The following PCDHGA7 variants were observed in gnomAD, a reference collection of about 807,000 sequenced individuals.
The protein encoded by PCDHGA7 is protocadherin gamma subfamily A, 7.
Under a neutral mutation model 58.3 loss-of-function variants are expected in PCDHGA7, and 44 were observed. The ratio of observed to expected loss-of-function variants is 0.75; its 90% CI spans 0.59 to 0.97. The LOEUF (loss-of-function observed/expected upper bound fraction) is 0.97, where lower values mean the gene tolerates loss of function less well. PCDHGA7 is among the 50% of genes least tolerant of loss of function. The probability of loss-of-function intolerance (pLI) is 0.00; values close to 1 mark genes in which losing one functional copy is unlikely to be tolerated. For missense variants in PCDHGA7, 1,266 were observed against 1,188.7 expected (o/e 1.06, Z -0.96); for synonymous variants, 516 against 504.2 (o/e 1.02, Z -0.31).
intron 1 of PCDHGA7, chr5:141,433,132 T>A (rs1168186406): frequency 6.2e-7 from 1 of 1,614,122 alleles, no homozygotes; most frequent in Non-Finnish European, 8.5e-7. Context: ...GCGAGCCCCT[T>A]TTGCTGTCAG....
At chr5:141,420,403 G>T in intron 1 of PCDHGA7, 3 of 1,246,014 alleles carry the variant, frequency 2.4e-6, no homozygotes, top group East Asian at 2.8e-5. Context: ...TCAAATTTAT[G>T]GTTATCATTA....
At chr5:141,411,134 G>A (rs1050594380) in intron 1 of PCDHGA7, 1 of 152,434 alleles carries the variant, frequency 6.6e-6, no homozygotes, top group Non-Finnish European at 1.5e-5. Context: ...ACAGGCGTGA[G>A]CCACAATATT....
rs1467261705 is a variant in PCDHGA7, at chr5:141,417,640, C to G, written c.2424+32317C>G. 6.6e-6 allele frequency: 5 copies of G among 761,360 alleles called. No homozygotes were observed. The African/African-American group carries it at 8.8e-5, about 13-fold the overall frequency. 47.2% of individuals were successfully genotyped at this position (761,360 alleles called of 1,614,324 possible). A position where few individuals can be genotyped will look rare whatever the true frequency, so the allele number is the denominator to read the frequency against. On this transcript the variant is annotated intron_variant, in intron 1 of 3. Coordinates refer to ENST00000518325, the MANE Select transcript of PCDHGA7 (RefSeq NM_018920.4). ...AGAGCAAGCGCTGACGCCGGGGATC[C>G]CTCAGCCTCTAGCCTGGGATTCCCT...
At chr5:141,395,498 C>T (rs1055094075) in intron 1 of PCDHGA7, 1 of 484,580 alleles carries the variant, frequency 2.1e-6, no homozygotes, top group Non-Finnish European at 3.6e-6. Context: ...CACTCATTCA[C>T]TTAAGAAGTA....
chr5:141,434,254 T>C (rs1440934691), intron 1 of PCDHGA7, among the ~76,000 whole-genome samples: 3 of 152,176 alleles, frequency 2.0e-5, no homozygotes, highest in Admixed American at 6.5e-5. Context: ...TTGGGCATTG[T>C]GGGGGAGGTG....
At chr5:141,391,471 C>G (rs2092375745) in intron 1 of PCDHGA7, 1 of 152,152 alleles carries the variant, frequency 6.6e-6, no homozygotes, top group Non-Finnish European at 1.5e-5. Flanking sequence ...GCCACCAGAC[C>G]TGGCTAATTT....
At position 141,485,789 on chromosome 5, in the gene PCDHGA7, T is replaced by G. The variant is rs1276069810; in HGVS notation, c.2425-9018T>G. The G allele has an allele frequency of 1.2e-6, 2 of 1,613,978 alleles. No individual in the cohort carries two copies. The highest frequency in any genetic ancestry group is 1.7e-6 in the Non-Finnish European group (2 of 1,180,030). On this transcript the variant is annotated intron_variant, in intron 1 of 3. Coordinates refer to ENST00000518325, the MANE Select transcript of PCDHGA7 (RefSeq NM_018920.4). This position sits in a 1 kb window ranked among gnomAD's most constrained non-coding sequence, Gnocchi z 5.7. ...GAAGCCTTTGGATCGAGAGAAGCAATCGGACTACCGCCTGGTGCTGACTGC... is the reference window on the plus strand; with the variant it reads ...GAAGCCTTTGGATCGAGAGAAGCAAGCGGACTACCGCCTGGTGCTGACTGC...
chr5:141,459,139 A>G (rs1592605909), intron 1 of PCDHGA7, among the ~76,000 whole-genome samples: 1 of 152,360 alleles, frequency 6.6e-6, no homozygotes, highest in Non-Finnish European at 1.5e-5. Flanking sequence ...ACCACCATGC[A>G]ATCAAAATAT....
Position 141,383,502 on chromosome 5 carries a change from C to A in PCDHGA7, c.603C>A (p.Asp201Glu), listed in dbSNP as rs1779190099. The A allele has an allele frequency of 6.2e-7, 1 of 1,613,004 alleles. No homozygotes were observed. Among genetic ancestry groups the A allele is most frequent in the Admixed American group, 1.7e-5 (1 of 59,880 alleles). Residue 201 changes from aspartate (D) to glutamate (E), a missense_variant, in exon 1 of 4, where the codon GAC (aspartate) becomes GAA (glutamate). By Grantham distance (45) the Asp-to-Glu change is conservative. Transcript: ENST00000518325. ...YPELVLERVLDREEERVHHLV... is the reference protein window; with the variant it reads ...YPELVLERVLEREEERVHHLV... Reference sequence around the variant, plus strand: ...AACTGGTGCTGGAGCGGGTGCTGGACCGGGAGGAAGAGCGGGTTCACCACC... The same window carrying A: ...AACTGGTGCTGGAGCGGGTGCTGGAACGGGAGGAAGAGCGGGTTCACCACC...
At position 141,432,716 on chromosome 5, in the gene PCDHGA7, C is replaced by A; in HGVS notation, c.2424+47393C>A. 6.2e-7 allele frequency: 1 copy of A among 1,614,030 alleles called. No individual in the cohort carries two copies. The highest frequency in any genetic ancestry group is 1.1e-5 in the South Asian group (1 of 91,084). ...GGCCGTCCAGGACCACGGCCAGCCC[C>A]CTCTCTCCGCCACTGTCACGCTCAC... On this transcript the variant is annotated intron_variant, in intron 1 of 3. Transcript: ENST00000518325. This position sits in a 1 kb window ranked among gnomAD's most constrained non-coding sequence, Gnocchi z 6.0.
chr5:141,477,013 T>C lies in PCDHGA7; in HGVS notation c.2425-17794T>C. ...TGCGGCAACTATTCGCCTTAGACCT[T>C]GTAACCGGGATGCTGACAATCAAGG... On this transcript the variant is annotated intron_variant, in intron 1 of 3. Coordinates refer to ENST00000518325, the MANE Select transcript of PCDHGA7 (RefSeq NM_018920.4). The surrounding 1 kb of genome is among the most constrained non-coding windows in gnomAD (Gnocchi z 4.9). 6.2e-7 allele frequency: 1 copy of C among 1,614,204 alleles called. No homozygotes were observed. The highest frequency in any genetic ancestry group is 8.5e-7 in the Non-Finnish European group (1 of 1,180,028).
intron 1 of PCDHGA7, chr5:141,418,929 T>A: frequency 6.2e-7 from 1 of 1,614,034 alleles, no homozygotes; most frequent in Non-Finnish European, 8.5e-7. Flanking sequence ...GATCAGATTA[T>A]GGAGGATTCC....
Position 141,388,997 on chromosome 5 carries a change from C to G in PCDHGA7, c.2424+3674C>G. On this transcript the variant is annotated intron_variant, in intron 1 of 3. Transcript: ENST00000518325. ...ATATTGCTTTGCTCAAAGTCCGTGA[C>G]AAGGATTCCAGACACAATGGAGAAG... The G allele has an allele frequency of 1.9e-6, 3 of 1,613,968 alleles. No individual in the cohort carries two copies. The highest frequency in any genetic ancestry group is 2.5e-6 in the Non-Finnish European group (3 of 1,179,880).
chr5:141,419,785 G>T, intron 1 of PCDHGA7: 2 of 1,614,052 alleles, frequency 1.2e-6, no homozygotes, highest in Non-Finnish European at 1.7e-6. Flanking sequence ...GCCAGCGCCT[G>T]CTAGTCGCTG....
At chr5:141,434,427 G>A (rs2097693282) in intron 1 of PCDHGA7, among the ~76,000 whole-genome samples, 1 of 152,216 alleles carries the variant, frequency 6.6e-6, no homozygotes, top group African/African-American at 2.4e-5. Context: ...GTTCATGATG[G>A]CCGTAATGCC....
chr5:141,478,396 G>T (rs150499152), intron 1 of PCDHGA7: 2 of 1,613,446 alleles, frequency 1.2e-6, no homozygotes, highest in African/African-American at 2.7e-5. Flanking sequence ...ACCATCAGGT[G>T]TATCTCACCA....
At position 141,490,132 on chromosome 5, in the gene PCDHGA7, A is replaced by C. The variant is rs1245562757; in HGVS notation, c.2425-4675A>C. On this transcript the variant is annotated intron_variant, in intron 1 of 3. Coordinates refer to ENST00000518325, the MANE Select transcript of PCDHGA7 (RefSeq NM_018920.4). This position sits in a 1 kb window ranked among gnomAD's most constrained non-coding sequence, Gnocchi z 5.4. ...GCGGAACCTCTTTGGCCTAGACCCT[A>C]GCAGTGGGGCAATCCATGTGTTGGG... 6.2e-7 allele frequency: 1 copy of C among 1,614,220 alleles called. No individual in the cohort carries two copies. Among genetic ancestry groups the C allele is most frequent in the South Asian group, 1.1e-5 (1 of 91,088 alleles).
chr5:141,499,089 A>G (rs1417307590), intron 2 of PCDHGA7, among the ~76,000 whole-genome samples: 2 of 152,116 alleles, frequency 1.3e-5, no homozygotes, highest in Non-Finnish European at 1.5e-5. Context: ...CCTGCTTGGC[A>G]CATGCTTCTC....
At chr5:141,498,012 A>T (rs184213306) in intron 2 of PCDHGA7, among the ~76,000 whole-genome samples, 6 of 152,348 alleles carry the variant, frequency 3.9e-5, no homozygotes, top group Non-Finnish European at 8.8e-5. Context: ...CAGTGCACTG[A>T]AGGAGACAAA....
Sources: gnomAD v4.1 joint callset for allele counts (sites outside exome capture counted in the v4.1 genomes callset) on GRCh38, gnomAD v4.1.1 for gene constraint, Gnocchi (gnomAD v3.1) non-coding constraint, MANE v1.5 for transcripts, NCBI Gene and HGNC (gene_info 2026-07-23, HGNC 2026-07-21) for gene names.